Variants in CNTN5 observed in about 807,000 individuals in gnomAD.
CNTN5 encodes contactin 5.
In CNTN5, 77 loss-of-function variants were observed where a neutral mutation model predicts 129.1. The observed-to-expected ratio is 0.60, with a 90% CI of 0.50 to 0.72. The LOEUF is 0.72. Among genes scored for constraint, CNTN5 ranks in the 30% least tolerant of loss-of-function variants. CNTN5 has a pLI of 0.00. For synonymous variants in CNTN5, 509 were observed against 465.6 expected (o/e 1.09, Z -1.20); for missense variants, 1,478 against 1,328.8 (o/e 1.11, Z -1.75).
chr11:99,881,869 A>G (rs1948780832), intron 6 of CNTN5, among the ~76,000 whole-genome samples: 1 of 152,214 alleles, frequency 6.6e-6, no homozygotes, highest in Admixed American at 6.5e-5. Context: ...ATAACATTCT[A>G]TAGCTTCCAA....
At chr11:99,182,671 A>G (rs1360530040) in intron 1 of CNTN5, among the ~76,000 whole-genome samples, 2 of 152,158 alleles carry the variant, frequency 1.3e-5, no homozygotes, top group Non-Finnish European at 2.9e-5. Flanking sequence ...GAAATCAAAG[A>G]TAAAATGTTT....
chr11:99,893,491 TTTG>T (rs1949119226), intron 6 of CNTN5, among the ~76,000 whole-genome samples: 1 of 152,162 alleles, frequency 6.6e-6, no homozygotes, highest in African/African-American at 2.4e-5. Context: ...TAGACAAATG[TTTG>T]TTGAGCACCC....
chr11:99,879,688 G>A (rs1948722996), intron 6 of CNTN5, among the ~76,000 whole-genome samples: 1 of 152,160 alleles, frequency 6.6e-6, no homozygotes, highest in Admixed American at 6.5e-5. Flanking sequence ...TTTATGGGCA[G>A]TCCTATGTCA....
At chr11:99,307,317 T>G (rs1345480017) in intron 1 of CNTN5, among the ~76,000 whole-genome samples, 2 of 152,162 alleles carry the variant, frequency 1.3e-5, no homozygotes, top group African/African-American at 4.8e-5. Flanking sequence ...GTGCTTTTCT[T>G]TCTATTCGTT....
chr11:99,178,156 A>AAAAC (rs144153541), intron 1 of CNTN5, among the ~76,000 whole-genome samples: 108 of 151,826 alleles, frequency 7.1e-4, no homozygotes, highest in East Asian at 1.2e-3. Context: ...ACTAGCAACT[A>AAAAC]AAACAAACAA....
At chr11:99,581,832 G>T (rs1949608213) in intron 3 of CNTN5, among the ~76,000 whole-genome samples, 1 of 152,062 alleles carries the variant, frequency 6.6e-6, no homozygotes, top group South Asian at 2.1e-4. Context: ...TACATTTAAG[G>T]TTATTATTGT....
chr11:99,338,919 G>GATATATATATATATATAT lies in CNTN5; in HGVS notation c.-71+13446_-71+13463dup, dbSNP rs10534485. Among the ~76,000 whole-genome samples, 503 of 126,876 alleles carry GATATATATATATATATAT rather than the reference G, an allele frequency of 4.0e-3. 2 individuals are homozygous for GATATATATATATATATAT. The highest frequency in any genetic ancestry group is 6.5e-3 in the East Asian group (28 of 4,322). The allele number at this position is 126,876 out of a possible 152,430, so 83.2% of individuals were successfully genotyped here. On this transcript the variant is annotated intron_variant, in intron 2 of 24. Transcript: ENST00000524871. ...ATTTTATGTATTTTGTTCATTCACA[G>GATATATATATATATATAT]ATATATATATATATATATATATATA... is the stretch of plus-strand genomic sequence containing the variant.
chr11:100,094,061 A>G (rs1441414428), intron 13 of CNTN5, among the ~76,000 whole-genome samples: 4 of 152,126 alleles, frequency 2.6e-5, no homozygotes, highest in Non-Finnish European at 5.9e-5. Flanking sequence ...ATGGTGGTTA[A>G]TTACATTGTT....
At chr11:99,750,764 C>G (rs191464124) in intron 3 of CNTN5, among the ~76,000 whole-genome samples, 1 of 152,252 alleles carries the variant, frequency 6.6e-6, no homozygotes, top group East Asian at 1.9e-4. Context: ...TCTTTCTAAA[C>G]ATAATCTTTG....
chr11:99,380,782 A>G (rs28690089), intron 2 of CNTN5, among the ~76,000 whole-genome samples: 5 of 137,760 alleles, frequency 3.6e-5, no homozygotes, highest in Admixed American at 7.6e-5. Flanking sequence ...AAAAAAAAAA[A>G]AAAAGAAAAG....
intron 2 of CNTN5, among the ~76,000 whole-genome samples, chr11:99,514,520 A>G (rs1051405890): frequency 5.9e-5 from 9 of 152,078 alleles, no homozygotes; most frequent in African/African-American, 2.2e-4. Context: ...AAGTTAAAAA[A>G]TTGCCACAGC....
chr11:99,850,317 A>C (rs924739177), intron 6 of CNTN5, among the ~76,000 whole-genome samples: 1 of 152,294 alleles, frequency 6.6e-6, no homozygotes, highest in East Asian at 1.9e-4. Context: ...AGACAGGACA[A>C]AGATAACTGC....
At chr11:100,165,500 T>C (rs527878202) in intron 13 of CNTN5, among the ~76,000 whole-genome samples, 1 of 151,928 alleles carries the variant, frequency 6.6e-6, no homozygotes, top group African/African-American at 2.4e-5. Flanking sequence ...TAATGACATA[T>C]AGGAAAATGT....
intron 9 of CNTN5, among the ~76,000 whole-genome samples, chr11:100,029,877 G>C (rs1186588003): frequency 6.6e-6 from 1 of 152,060 alleles, no homozygotes; most frequent in Non-Finnish European, 1.5e-5. Context: ...AATACTGTCT[G>C]TTAAATTTTT....
chr11:99,589,083 ATGT>A (rs1565326763), intron 3 of CNTN5, among the ~76,000 whole-genome samples: 1 of 152,198 alleles, frequency 6.6e-6, no homozygotes, highest in Admixed American at 6.5e-5. Flanking sequence ...AAACATGAAC[ATGT>A]TGTGAAACTA....
chr11:99,697,992 C>T (rs1954345586), intron 3 of CNTN5, among the ~76,000 whole-genome samples: 1 of 151,250 alleles, frequency 6.6e-6, no homozygotes, highest in South Asian at 2.1e-4. Context: ...GAAAATTGAA[C>T]ATTAACCGTT....
chr11:99,503,233 G>A (rs1040393654), intron 2 of CNTN5, among the ~76,000 whole-genome samples: 3 of 151,966 alleles, frequency 2.0e-5, no homozygotes, highest in South Asian at 2.1e-4. Context: ...TGCCCACCAT[G>A]TTCGCATACA....
rs898576881 is a variant in CNTN5, at chr11:99,035,712, G to A, written c.-210+14442G>A. Among the ~76,000 whole-genome samples the A allele has an allele frequency of 2.7e-3, 415 of 151,596 alleles. 1 individual carries two copies. Among genetic ancestry groups the A allele is most frequent in the African/African-American group, 9.5e-3 (393 of 41,206 alleles). ...TGAATACAGCACACTGATGGGTCTT[G>A]ACTCTTTATCCAATTTGCCAGTCTG... is the stretch of plus-strand genomic sequence containing the variant. On this transcript the variant is annotated intron_variant, in intron 1 of 24. Coordinates refer to ENST00000524871, the MANE Select transcript of CNTN5 (RefSeq NM_014361.4).
At chr11:99,805,245 A>C (rs1318866779) in intron 3 of CNTN5, among the ~76,000 whole-genome samples, 1 of 152,188 alleles carries the variant, frequency 6.6e-6, no homozygotes, top group Non-Finnish European at 1.5e-5. Flanking sequence ...TAACTAGAGC[A>C]GTGCTAATGG....
Sources: allele counts gnomAD v4.1 joint callset (sites outside exome capture counted in the v4.1 genomes callset), GRCh38; gene constraint gnomAD v4.1.1; transcripts MANE v1.5; gene names NCBI Gene and HGNC (gene_info 2026-07-23, HGNC 2026-07-21).